Variants in PDE3A observed in about 807,000 individuals in gnomAD.
PDE3A encodes the protein phosphodiesterase 3A.
PDE3A carries 43 observed loss-of-function variants against 98.3 expected under a neutral mutation model. The ratio of observed to expected loss-of-function variants is 0.44; its 90% CI spans 0.34 to 0.56. The LOEUF is 0.56. Among genes scored for constraint, PDE3A ranks in the 20% least tolerant of loss-of-function variants. The pLI is 0.01. For missense variants in PDE3A, 1,427 were observed against 1,440.7 expected (o/e 0.99, Z 0.15); for synonymous variants, 663 against 567.9 (o/e 1.17, Z -2.38).
In PDE3A at chr12:20,506,144, G is replaced by A. The variant is rs956369284; in HGVS notation, c.961-50516G>A. Among the ~76,000 whole-genome samples, 59 of 151,310 alleles carry A rather than the reference G, an allele frequency of 3.9e-4. 1 individual carries two copies. Among genetic ancestry groups the A allele is most frequent in the African/African-American group, 1.4e-3 (57 of 41,264 alleles). ...TGTGTGTGTGTATGTGTGTGTAGCA[G>A]GTTAAACAAATGAGTTCTCCAAAAA... On this transcript the variant is annotated intron_variant, in intron 1 of 15. Coordinates refer to ENST00000359062, the MANE Select transcript of PDE3A (RefSeq NM_000921.5).
At chr12:20,499,504 A>G (rs181881443) in intron 1 of PDE3A, among the ~76,000 whole-genome samples, 1 of 152,318 alleles carries the variant, frequency 6.6e-6, no homozygotes, top group African/African-American at 2.4e-5. Flanking sequence ...CATATATTTA[A>G]GGGTCAACTG....
intron 2 of PDE3A, among the ~76,000 whole-genome samples, chr12:20,563,383 G>A (rs549322638): frequency 1.6e-4 from 25 of 152,008 alleles, no homozygotes; most frequent in Non-Finnish European, 3.2e-4. Flanking sequence ...AAGATGACCA[G>A]CCGTATTTCC....
At chr12:20,543,621 G>A (rs574699881) in intron 1 of PDE3A, among the ~76,000 whole-genome samples, 4 of 152,176 alleles carry the variant, frequency 2.6e-5, no homozygotes, top group African/African-American at 9.6e-5. Flanking sequence ...GCTGCATGAA[G>A]TTTTAATTAC....
chr12:20,684,575 C>T lies in PDE3A; in HGVS notation c.*4304C>T, dbSNP rs552345051. Among the ~76,000 whole-genome samples the T allele has an allele frequency of 2.0e-5, 3 of 152,238 alleles. No individual in the cohort carries two copies. Among genetic ancestry groups the T allele is most frequent in the East Asian group, 1.9e-4 (1 of 5,182 alleles). On this transcript the variant is annotated 3_prime_UTR_variant, in exon 16 of 16. Coordinates refer to ENST00000359062, the MANE Select transcript of PDE3A (RefSeq NM_000921.5). ...GCCAAACTGAGTTTATTTCATTGATCGAACAAGCAGCAACACATTTTATGA... is the reference window on the plus strand; with the variant it reads ...GCCAAACTGAGTTTATTTCATTGATTGAACAAGCAGCAACACATTTTATGA...
chr12:20,552,315 G>A lies in PDE3A; in HGVS notation c.961-4345G>A. On this transcript the variant is annotated intron_variant, in intron 1 of 15. Transcript: ENST00000359062. This position sits in a 1 kb window ranked among gnomAD's most constrained non-coding sequence, Gnocchi z 5.1. ...GCTACGATGGCATCTACAAGGTTGT[G>A]AAATACTGGCCCGAGAAGGGGAAGT... 1 of 1,613,958 alleles carries A rather than the reference G, an allele frequency of 6.2e-7. No homozygotes were observed.
In PDE3A at chr12:20,617,911, A is replaced by C. The variant is rs565960227; in HGVS notation, c.1424+1527A>C. 3.5e-4 allele frequency among the ~76,000 whole-genome samples: 54 copies of C among 152,266 alleles called. No homozygotes were observed. In the South Asian group the frequency reaches 0.011, roughly 32 times the overall value. ...AAGGAAGTTCCAAGGACTTTTAAGAACTTAACGCCCAAGGATCTTGTCATT... is the reference window on the plus strand; with the variant it reads ...AAGGAAGTTCCAAGGACTTTTAAGACCTTAACGCCCAAGGATCTTGTCATT... On this transcript the variant is annotated intron_variant, in intron 4 of 15. Coordinates refer to ENST00000359062, the MANE Select transcript of PDE3A (RefSeq NM_000921.5).
intron 4 of PDE3A, among the ~76,000 whole-genome samples, chr12:20,616,649 G>T (rs572222656): frequency 5.8e-4 from 88 of 152,116 alleles, no homozygotes; most frequent in African/African-American, 2.0e-3. Context: ...GATGGGAAGG[G>T]TTAAGCCCAG....
chr12:20,551,519 C>A, intron 1 of PDE3A: 7 of 1,084,868 alleles, frequency 6.5e-6, no homozygotes, highest in Non-Finnish European at 9.3e-6. Context: ...CTGGTTAATT[C>A]CGATAACGAA....
chr12:20,643,888 G>T (rs971461277), intron 10 of PDE3A, among the ~76,000 whole-genome samples: 1 of 151,952 alleles, frequency 6.6e-6, no homozygotes, highest in Non-Finnish European at 1.5e-5. Context: ...TGGGGTGGGG[G>T]ACAGGGTGGA....
chr12:20,651,129 G>A (rs547127728), intron 14 of PDE3A, among the ~76,000 whole-genome samples: 2 of 152,216 alleles, frequency 1.3e-5, no homozygotes, highest in African/African-American at 4.8e-5. Context: ...ATTAATAAGA[G>A]CATTATGTGA....
chr12:20,635,752 CAA>C (rs11454612), intron 8 of PDE3A, among the ~76,000 whole-genome samples: 18 of 84,036 alleles, frequency 2.1e-4, no homozygotes, highest in Admixed American at 4.1e-4. Context: ...CACTCTATCT[CAA>C]AAAAAAAAAA....
intron 2 of PDE3A, among the ~76,000 whole-genome samples, chr12:20,604,642 A>C (rs1290256814): frequency 6.6e-6 from 1 of 152,208 alleles, no homozygotes; most frequent in Non-Finnish European, 1.5e-5. Flanking sequence ...CTCTTAACAG[A>C]CATAATTAGG....
intron 1 of PDE3A, among the ~76,000 whole-genome samples, chr12:20,512,316 A>G (rs1946242248): frequency 6.6e-6 from 1 of 152,090 alleles, no homozygotes; most frequent in South Asian, 2.1e-4. Flanking sequence ...GTAAAAAGCC[A>G]TCCTAAAATA....
chr12:20,491,604 T>A (rs1945827150), intron 1 of PDE3A, among the ~76,000 whole-genome samples: 1 of 152,184 alleles, frequency 6.6e-6, no homozygotes, highest in East Asian at 1.9e-4. Context: ...GTCCCATTTT[T>A]AAAGATAAAC....
intron 1 of PDE3A, among the ~76,000 whole-genome samples, chr12:20,453,591 G>T (rs1397259116): frequency 6.6e-6 from 1 of 152,142 alleles, no homozygotes; most frequent in African/African-American, 2.4e-5. Flanking sequence ...AAGTAAAATA[G>T]AAAGTTCAAT....
intron 5 of PDE3A, among the ~76,000 whole-genome samples, chr12:20,624,934 G>C (rs979272200): frequency 1.3e-5 from 2 of 152,182 alleles, no homozygotes; most frequent in Non-Finnish European, 2.9e-5. Context: ...GTGGCAAAGA[G>C]TGTAAGCAAA....
intron 3 of PDE3A, among the ~76,000 whole-genome samples, chr12:20,615,693 T>TTGAA (rs1171774875): frequency 2.0e-5 from 3 of 152,104 alleles, no homozygotes; most frequent in African/African-American, 7.2e-5. Flanking sequence ...TGTATAAGCA[T>TTGAA]TGAAATAAAG....
chr12:20,542,827 A>C (rs1373206131), intron 1 of PDE3A, among the ~76,000 whole-genome samples: 1 of 152,012 alleles, frequency 6.6e-6, no homozygotes, highest in Non-Finnish European at 1.5e-5. Context: ...AGTTTTAATA[A>C]TTTTCTGTAG....
Position 20,543,626 on chromosome 12 carries a change from A to C in PDE3A, c.961-13034A>C, listed in dbSNP as rs989740375. Among the ~76,000 whole-genome samples, 3 of 152,182 alleles carry C rather than the reference A, an allele frequency of 2.0e-5. No homozygotes were observed. In the South Asian group the frequency reaches 6.2e-4, roughly 31 times the overall value. On this transcript the variant is annotated intron_variant, in intron 1 of 15. Coordinates refer to ENST00000359062, the MANE Select transcript of PDE3A (RefSeq NM_000921.5). ...TCTGAGTAATGCTGCATGAAGTTTT[A>C]ATTACAGATTGATCAAATTCTATAA...
Sources: allele counts gnomAD v4.1 joint callset (sites outside exome capture counted in the v4.1 genomes callset), GRCh38; gene constraint gnomAD v4.1.1; non-coding constraint Gnocchi (gnomAD v3.1); transcripts MANE v1.5; gene names NCBI Gene and HGNC (gene_info 2026-07-23, HGNC 2026-07-21).